Variants in USO1 observed in about 807,000 individuals in gnomAD.
USO1 encodes general vesicular transport factor p115.
Under a neutral mutation model 124.5 loss-of-function variants are expected in USO1, and 57 were observed. That is an observed-to-expected ratio of 0.46 (90% CI 0.37 to 0.57). USO1 has a LOEUF of 0.57. USO1 is among the 20% of genes least tolerant of loss of function. The pLI is 0.00. For missense variants in USO1, 900 were observed against 1,040.6 expected, an observed-to-expected ratio of 0.86 and a Z score of 1.86; for synonymous variants, 369 against 362.8, an observed-to-expected ratio of 1.02 and a Z score of -0.19.
intron 1 of USO1, among the ~76,000 whole-genome samples, chr4:75,727,645 G>A (rs945555773): frequency 2.0e-5 from 3 of 152,086 alleles, no homozygotes; most frequent in African/African-American, 7.2e-5. Flanking sequence ...GTCTGGCCAG[G>A]ATATTTGAGT....
chr4:75,813,065 ATCGCACCAT>A, intron 23 of USO1, 132 bp from the exon 24 acceptor site: 1 of 792,740 alleles, frequency 1.3e-6, no homozygotes, highest in Non-Finnish European at 1.8e-6. Context: ...GTGAGCCGAG[ATCGCACCAT>A]TGCACTCCAG....
chr4:75,750,355 T>C (rs1305443952), intron 1 of USO1, among the ~76,000 whole-genome samples: 6 of 152,064 alleles, frequency 3.9e-5, no homozygotes, highest in African/African-American at 1.4e-4. Context: ...GGAGGATTGC[T>C]TGAGGACAGG....
intron 1 of USO1, chr4:75,745,440 G>A (rs1381293751): frequency 2.1e-5 from 10 of 486,486 alleles, no homozygotes; most frequent in East Asian, 1.7e-4. Flanking sequence ...CCTGTAGTTC[G>A]CAACAGATAC....
At chr4:75,759,332 G>A (rs954560521) in intron 4 of USO1, among the ~76,000 whole-genome samples, 11 of 148,892 alleles carry the variant, frequency 7.4e-5, no homozygotes, top group East Asian at 2.0e-4. Flanking sequence ...GGTGGCTCGC[G>A]CCTGTAATCC....
Position 75,813,345 on chromosome 4 carries a change from G to A in USO1, c.*50G>A. 1 of 1,472,406 alleles carries A rather than the reference G, an allele frequency of 6.8e-7. No individual in the cohort carries two copies. Among genetic ancestry groups the A allele is most frequent in the Non-Finnish European group, 9.0e-7 (1 of 1,111,580 alleles). 91.2% of individuals were successfully genotyped at this position (1,472,406 alleles called of 1,614,324 possible). On this transcript the variant is annotated 3_prime_UTR_variant, in exon 24 of 24. Transcript: ENST00000514213. The stretch of plus-strand genomic sequence containing the variant: ...AGATTATATCATAACTCTGAAGATG[G>A]ACTCTAAACTTTGGTTTACCTCCAT...
At chr4:75,799,384 T>C (rs1349132208) in intron 13 of USO1, among the ~76,000 whole-genome samples, 1 of 152,150 alleles carries the variant, frequency 6.6e-6, no homozygotes, top group Non-Finnish European at 1.5e-5. Flanking sequence ...AATAACCCAG[T>C]ATATGCCTCT....
intron 8 of USO1, among the ~76,000 whole-genome samples, chr4:75,779,003 C>T (rs1443735114): frequency 1.3e-5 from 2 of 152,134 alleles, no homozygotes; most frequent in Non-Finnish European, 2.9e-5. Context: ...ATGTCTCTGT[C>T]ACAATTAATA....
At chr4:75,790,047 T>A (rs74539249) in intron 10 of USO1, 103 bp from the exon 11 acceptor site, 13 of 1,005,920 alleles carry the variant, frequency 1.3e-5, no homozygotes, top group African/African-American at 1.2e-4. Flanking sequence ...TAAAGTATAA[T>A]AAAAAAAAAA....
rs780846852 is a variant in USO1, at chr4:75,724,848, G to C, written c.29G>C (p.Gly10Ala). ...AATTTCCTCCGCGGGGTAATGGGGG[G>C]TCAGAGTGCCGGACCCCAGCACACA... MNFLRGVMG[G>A]QSAGPQHTEA... Residue 10 changes from glycine to alanine, a missense_variant, in exon 1 of 24, where the codon GGT (glycine) becomes GCT (alanine). By Grantham distance (60) the Gly-to-Ala change is moderately conservative. Coordinates refer to ENST00000514213, the MANE Select transcript of USO1 (RefSeq NM_003715.4). The C allele has an allele frequency of 1.2e-6, 2 of 1,613,706 alleles. No individual in the cohort carries two copies. The highest frequency in any genetic ancestry group is 1.7e-6 in the Non-Finnish European group (2 of 1,179,790).
chr4:75,776,850 A>G (rs1166991776), intron 8 of USO1, among the ~76,000 whole-genome samples: 3 of 152,176 alleles, frequency 2.0e-5, no homozygotes, highest in African/African-American at 7.2e-5. Context: ...TAAATCAGGA[A>G]TTCTTGAAAA....
chr4:75,797,275 A>G (rs1321532243), intron 13 of USO1, among the ~76,000 whole-genome samples: 2 of 151,808 alleles, frequency 1.3e-5, no homozygotes, highest in Non-Finnish European at 2.9e-5. Flanking sequence ...TTTCTCAGCG[A>G]ACTGTATGAG....
Position 75,800,690 on chromosome 4 carries a change from C to T in USO1, c.1755C>T (p.Ser585=), listed in dbSNP as rs747628641. 2 of 1,598,368 alleles carry T rather than the reference C, an allele frequency of 1.3e-6. No homozygotes were observed. The highest frequency in any genetic ancestry group is 2.3e-5 in the South Asian group (2 of 87,452). Residue 585 remains serine (S), a synonymous_variant, in exon 16 of 24, where the codon AGC becomes AGT. Transcript: ENST00000514213. ...ENFIEKLGFI[S]KHELYSRASQ... ...TCATAGAGAAACTAGGATTTATTAGCAAACATGAGTTGTATTCCAGAGCAT... is the reference window on the plus strand; with the variant it reads ...TCATAGAGAAACTAGGATTTATTAGTAAACATGAGTTGTATTCCAGAGCAT...
At position 75,730,051 on chromosome 4, in the gene USO1, T is replaced by C. The variant is rs186223646; in HGVS notation, c.66+5166T>C. 289 of 269,234 alleles carry C rather than the reference T, an allele frequency of 1.1e-3. 1 individual carries two copies. The highest frequency in any genetic ancestry group is 6.3e-3 in the African/African-American group (278 of 43,980). The allele number at this position is 269,234 out of a possible 1,614,324, so 16.7% of individuals were successfully genotyped here. A position where few individuals can be genotyped will look rare whatever the true frequency, so the allele number is the denominator to read the frequency against. On this transcript the variant is annotated intron_variant, in intron 1 of 23. Transcript: ENST00000514213. Reference sequence around the variant, plus strand: ...GGTCAATGTCATAACTGGAATGTGTTTTCTCTCTTGGCCTGTTTTGCAATA... The same window carrying C: ...GGTCAATGTCATAACTGGAATGTGTCTTCTCTCTTGGCCTGTTTTGCAATA...
chr4:75,807,255 T>C (rs1371251347), intron 20 of USO1, among the ~76,000 whole-genome samples: 6 of 152,162 alleles, frequency 3.9e-5, no homozygotes, highest in Admixed American at 2.6e-4. Flanking sequence ...GGAAGAAAAC[T>C]CTAGAGTATA....
rs1232526350 is a variant in USO1 at position 75,813,289 on chromosome 4, T to C, written c.2883T>C (p.His961=). The C allele has an allele frequency of 1.3e-6, 2 of 1,596,464 alleles. No individual in the cohort carries two copies. The highest frequency in any genetic ancestry group is 8.5e-7 in the Non-Finnish European group (1 of 1,174,650). ...ESEDPGKDLD[H]I is the part of the protein sequence containing the mutation. The stretch of plus-strand genomic sequence containing the variant: ...AAGATCCTGGCAAGGATCTAGATCA[T>C]ATCTAGTTTTCAAATCTCTAGGAAC... The change falls in exon 24 of 24, where the codon CAT becomes CAC. Residue 961 remains histidine (H), a synonymous_variant. Coordinates refer to ENST00000514213, the MANE Select transcript of USO1 (RefSeq NM_003715.4).
At chr4:75,802,736 CTTTTT>C (rs997798305) in intron 17 of USO1, among the ~76,000 whole-genome samples, 7 of 63,734 alleles carry the variant, frequency 1.1e-4, no homozygotes, top group South Asian at 7.5e-4. Flanking sequence ...TTTTTCTTTT[CTTTTT>C]TTTTTTTTTT....
At chr4:75,775,955 A>C (rs948240924) in intron 8 of USO1, among the ~76,000 whole-genome samples, 1 of 152,208 alleles carries the variant, frequency 6.6e-6, no homozygotes, top group Non-Finnish European at 1.5e-5. Context: ...GCCAAAGATG[A>C]GGCAAAAAAA....
chr4:75,724,782 T>A lies in USO1; in HGVS notation c.-38T>A. 6.2e-7 allele frequency: 1 copy of A among 1,612,074 alleles called. No individual in the cohort carries two copies. Among genetic ancestry groups the A allele is most frequent in the South Asian group, 1.1e-5 (1 of 90,976 alleles). On this transcript the variant is annotated 5_prime_UTR_variant, in exon 1 of 24. Transcript: ENST00000514213. ...GCGGGGGAAGTTGTCTTCTTTTTTT[T>A]CCGGAGGGGCCGGTAAACCTGGTGG...
intron 11 of USO1, 22 bp downstream of exon 11, chr4:75,790,260 G>T: frequency 6.4e-7 from 1 of 1,570,906 alleles, no homozygotes; most frequent in South Asian, 1.2e-5. Context: ...GAAATACTGA[G>T]ATTACTCTGA....
Sources: allele counts gnomAD v4.1 joint callset (sites outside exome capture counted in the v4.1 genomes callset), GRCh38; gene constraint gnomAD v4.1.1; transcripts MANE v1.5; gene names NCBI Gene and HGNC (gene_info 2026-07-23, HGNC 2026-07-21).